ADAMTSL1: variants seen among roughly 807,000 people sequenced by gnomAD.
ADAMTSL1 encodes the protein ADAMTS-like protein 1.
Under a neutral mutation model 201.8 loss-of-function variants are expected in ADAMTSL1, and 126 were observed. The observed-to-expected ratio is 0.62, with a 90% CI of 0.54 to 0.72. The LOEUF (loss-of-function observed/expected upper bound fraction) is 0.72, where lower values mean the gene tolerates loss of function less well. Ranked by LOEUF, ADAMTSL1 falls within the 30% of genes least tolerant of loss-of-function variation. The probability of loss-of-function intolerance (pLI) is 0.00; values close to 1 mark genes in which losing one functional copy is unlikely to be tolerated. For missense variants in ADAMTSL1, 2,679 were observed against 2,277.8 expected (o/e 1.18, Z -3.59); for synonymous variants, 1,121 against 903.4 (o/e 1.24, Z -4.32).
rs1828323795 is a variant in ADAMTSL1 at position 18,878,621 on chromosome 9, A to G, written c.4250-9210A>G. Among the ~76,000 whole-genome samples, 3 of 152,054 alleles carry G rather than the reference A, an allele frequency of 2.0e-5. No homozygotes were observed. In the South Asian group the frequency reaches 6.2e-4, roughly 32 times the overall value. On this transcript the variant is annotated intron_variant, in intron 23 of 28. Coordinates refer to ENST00000380548, the MANE Select transcript of ADAMTSL1 (RefSeq NM_001040272.6). ...ATTCTCACCCTCTCACACTTTGGGC[A>G]CTCCCAGTTTTTTGGCTGTTCTCAT...
At chr9:18,462,501 T>C (rs146989940) in intron 2 of ADAMTSL1, among the ~76,000 whole-genome samples, 1 of 152,316 alleles carries the variant, frequency 6.6e-6, no homozygotes, top group African/African-American at 2.4e-5. Flanking sequence ...AAATTTTTTA[T>C]ATAACTATGA....
intron 3 of ADAMTSL1, among the ~76,000 whole-genome samples, chr9:18,542,744 A>G (rs1238394224): frequency 2.0e-5 from 3 of 152,200 alleles, no homozygotes; most frequent in Non-Finnish European, 4.4e-5. Flanking sequence ...TGGCAACCCT[A>G]GTCAACTAGT....
intron 2 of ADAMTSL1, among the ~76,000 whole-genome samples, chr9:18,260,677 C>G (rs1480915836): frequency 6.6e-6 from 1 of 152,210 alleles, no homozygotes; most frequent in East Asian, 1.9e-4. Context: ...CTCTGGAAGC[C>G]TGCACTTTCT....
Position 18,023,252 on chromosome 9 carries a change from G to A in ADAMTSL1, c.87+116330G>A, listed in dbSNP as rs115222543. 2.9e-3 allele frequency among the ~76,000 whole-genome samples: 443 copies of A among 152,118 alleles called. 2 individuals carry two copies. The highest frequency in any genetic ancestry group is 0.01 in the African/African-American group (420 of 41,498). ...GGCTTCTTAAAACACAGATTGCTGG[G>A]TCCCTCTCCCAAAGTATCAGCTTTA... On this transcript the variant is annotated intron_variant, in intron 1 of 29. Coordinates refer to the ADAMTSL1 transcript ENST00000680146.
At chr9:17,967,015 T>C (rs1011383306) in intron 1 of ADAMTSL1, among the ~76,000 whole-genome samples, 1 of 152,162 alleles carries the variant, frequency 6.6e-6, no homozygotes, top group Non-Finnish European at 1.5e-5. Flanking sequence ...TTTATTATTA[T>C]TGAAATTCAG....
At chr9:18,905,420 G>T (rs915653813) in intron 26 of ADAMTSL1, 2 of 215,330 alleles carry the variant, frequency 9.3e-6, no homozygotes, top group South Asian at 9.0e-5. Context: ...TCTCTGCACC[G>T]AAGGGGTGGA....
intron 2 of ADAMTSL1, among the ~76,000 whole-genome samples, chr9:18,254,523 C>G (rs1207666434): frequency 6.6e-6 from 1 of 151,676 alleles, no homozygotes; most frequent in African/African-American, 2.4e-5. Flanking sequence ...CCACCACGCC[C>G]GGCTAACTTT....
At chr9:17,972,134 T>C (rs1053365938) in intron 1 of ADAMTSL1, among the ~76,000 whole-genome samples, 3 of 151,782 alleles carry the variant, frequency 2.0e-5, no homozygotes, top group Non-Finnish European at 4.4e-5. Context: ...ATTTAAGTTC[T>C]ATTTTCTTTT....
At chr9:18,012,827 T>C (rs1198945854) in intron 1 of ADAMTSL1, among the ~76,000 whole-genome samples, 1 of 151,874 alleles carries the variant, frequency 6.6e-6, no homozygotes, top group African/African-American at 2.4e-5. Flanking sequence ...TGCCTAGAAA[T>C]GAGAAGAAAA....
At chr9:17,978,068 C>G (rs2131453711) in intron 1 of ADAMTSL1, among the ~76,000 whole-genome samples, 1 of 152,172 alleles carries the variant, frequency 6.6e-6, no homozygotes, top group African/African-American at 2.4e-5. Flanking sequence ...TTCTATGTCT[C>G]TCTTTACTGG....
rs564862919 is a variant in ADAMTSL1, at chr9:18,189,544, A to G, written c.207+25563A>G. On this transcript the variant is annotated intron_variant, in intron 2 of 29. Coordinates refer to the ADAMTSL1 transcript ENST00000680146. ...AGGGCAAGATTTAACGCCCTTTTCC[A>G]CCCCCAATTTGGTAAAATTAAATAA... Among the ~76,000 whole-genome samples the G allele has an allele frequency of 2.0e-5, 3 of 152,072 alleles. No homozygotes were observed. The South Asian group carries it at 6.2e-4, about 32-fold the overall frequency.
In ADAMTSL1 at chr9:18,435,660, G is replaced by A. The variant is rs1380965062; in HGVS notation, c.208-69169G>A. Reference sequence around the variant, plus strand: ...GCCAGGACAGAGAGCAGAGGAATGTGGTGTATTAATCCATTTTCACAATGC... The same window carrying A: ...GCCAGGACAGAGAGCAGAGGAATGTAGTGTATTAATCCATTTTCACAATGC... On this transcript the variant is annotated intron_variant, in intron 2 of 29. Transcript: ENST00000680146. 3.3e-5 allele frequency among the ~76,000 whole-genome samples: 5 copies of A among 152,116 alleles called. No individual in the cohort carries two copies. The East Asian group carries it at 9.6e-4, about 29-fold the overall frequency.
intron 23 of ADAMTSL1, among the ~76,000 whole-genome samples, chr9:18,859,577 T>A (rs1827078599): frequency 6.6e-6 from 1 of 152,182 alleles, no homozygotes; most frequent in South Asian, 2.1e-4. Context: ...TATACTATCA[T>A]GCATTGTTGC....
chr9:18,048,713 C>T (rs1289249576), intron 1 of ADAMTSL1, among the ~76,000 whole-genome samples: 1 of 152,162 alleles, frequency 6.6e-6, no homozygotes, highest in African/African-American at 2.4e-5. Context: ...CTATACCAGA[C>T]ATCGTGAGTT....
chr9:18,031,952 C>T (rs993298006), intron 1 of ADAMTSL1, among the ~76,000 whole-genome samples: 1 of 152,164 alleles, frequency 6.6e-6, no homozygotes, highest in African/African-American at 2.4e-5. Flanking sequence ...GTATGGTGCC[C>T]ACAGCCCAGG....
At chr9:18,103,498 C>A (rs1219868749) in intron 1 of ADAMTSL1, among the ~76,000 whole-genome samples, 2 of 151,994 alleles carry the variant, frequency 1.3e-5, no homozygotes, top group Non-Finnish European at 2.9e-5. Flanking sequence ...TATTCTTAGG[C>A]CAGCACTATG....
chr9:18,230,842 C>T (rs960075759), intron 2 of ADAMTSL1, among the ~76,000 whole-genome samples: 2 of 152,146 alleles, frequency 1.3e-5, no homozygotes, highest in African/African-American at 2.4e-5. Context: ...ATCCATTCTT[C>T]TGCAAGTAAC....
At chr9:18,425,711 G>T (rs1587162348) in intron 2 of ADAMTSL1, among the ~76,000 whole-genome samples, 1 of 151,590 alleles carries the variant, frequency 6.6e-6, no homozygotes, top group Non-Finnish European at 1.5e-5. Flanking sequence ...AAAAAAAATA[G>T]CTGAGCAGGT....
chr9:18,179,238 A>G (rs201258089), intron 2 of ADAMTSL1, among the ~76,000 whole-genome samples: 16 of 152,164 alleles, frequency 1.1e-4, no homozygotes, highest in Non-Finnish European at 5.9e-5. Flanking sequence ...TGCAGAAGCC[A>G]CAGGAGCCGA....
Sources: allele counts gnomAD v4.1 joint callset (sites outside exome capture counted in the v4.1 genomes callset), GRCh38; gene constraint gnomAD v4.1.1; transcripts MANE v1.5; gene names NCBI Gene and HGNC (gene_info 2026-07-23, HGNC 2026-07-21).